The following DOCK1 variants were observed in gnomAD, a reference collection of about 807,000 sequenced individuals.
DOCK1 encodes dedicator of cytokinesis 1, also known as dedicator of cytokinesis protein 1.
DOCK1 carries 138 observed loss-of-function variants against 262.7 expected under a neutral mutation model. The ratio of observed to expected loss-of-function variants is 0.53; its 90% CI spans 0.46 to 0.61. The LOEUF is 0.61. Among genes scored for constraint, DOCK1 ranks in the 20% least tolerant of loss-of-function variants. DOCK1 has a pLI of 0.00. For synonymous variants in DOCK1, 866 were observed against 867.4 expected, an observed-to-expected ratio of 1.00 and a Z score of 0.03; for missense variants, 1,908 against 2,370.7, an observed-to-expected ratio of 0.80 and a Z score of 4.05.
At chr10:127,087,426 C>G (rs2047261491) in intron 23 of DOCK1, among the ~76,000 whole-genome samples, 1 of 152,056 alleles carries the variant, frequency 6.6e-6, no homozygotes, top group African/African-American at 2.4e-5. Flanking sequence ...CTAACAGGGG[C>G]AGGGGAGTGG....
intron 30 of DOCK1, among the ~76,000 whole-genome samples, chr10:127,342,083 TTGCTGTTGTTGTTGCTGCTGCTGC>T (rs1390516129): frequency 4.1e-5 from 6 of 147,258 alleles, no homozygotes; most frequent in South Asian, 2.2e-4. Flanking sequence ...GCTGTTGCTG[TTGCTGTTGTTGTTGCTGCTGCTGC>T]TGCTGCTGTT....
At chr10:127,357,828 A>G (rs778043898) in intron 32 of DOCK1, among the ~76,000 whole-genome samples, 1 of 152,084 alleles carries the variant, frequency 6.6e-6, no homozygotes, top group Non-Finnish European at 1.5e-5. Flanking sequence ...AGCCCACAGG[A>G]TCCTCCCCAA....
chr10:126,948,479 G>T (rs909696999), intron 1 of DOCK1, among the ~76,000 whole-genome samples: 2 of 151,860 alleles, frequency 1.3e-5, no homozygotes, highest in Non-Finnish European at 2.9e-5. Flanking sequence ...GATGTTGCTG[G>T]TGAGGGTGAT....
chr10:127,024,685 C>G lies in DOCK1; in HGVS notation c.1453C>G (p.His485Asp), dbSNP rs200316381. The G allele has an allele frequency of 6.2e-7, 1 of 1,608,130 alleles. No individual in the cohort carries two copies. The highest frequency in any genetic ancestry group is 1.1e-5 in the South Asian group (1 of 89,218). Residue 485 changes from histidine (H) to aspartate (D), a missense_variant and splice_region_variant, in exon 15 of 52, where the codon CAT (histidine) becomes GAT (aspartate). His to Asp is a moderately conservative substitution (Grantham distance 81, BLOSUM62 -1). Coordinates refer to ENST00000623213, the MANE Select transcript of DOCK1 (RefSeq NM_001290223.2). ...GAGCTCTTTATGTCTTCTTTTAAAG[C>G]ATGTGATTTTCCCGGGTGCTGGTGA... is the stretch of plus-strand genomic sequence containing the variant. ...VYDEDGKRLE[H>D]VIFPGAGDEA...
At chr10:127,411,551 G>A (rs1235221006) in intron 43 of DOCK1, among the ~76,000 whole-genome samples, 1 of 152,146 alleles carries the variant, frequency 6.6e-6, no homozygotes, top group African/African-American at 2.4e-5. Context: ...CAATCAAAAA[G>A]ATTTCCAGGC....
At chr10:127,135,665 C>A (rs2050628608) in intron 27 of DOCK1, 1 of 152,616 alleles carries the variant, frequency 6.6e-6, no homozygotes, top group Non-Finnish European at 1.5e-5. Context: ...ATTTTGAACA[C>A]ACTTTAATTT....
At chr10:127,299,047 G>A (rs1408939864) in intron 29 of DOCK1, among the ~76,000 whole-genome samples, 1 of 152,134 alleles carries the variant, frequency 6.6e-6, no homozygotes, top group African/African-American at 2.4e-5. Context: ...TTGGAAATAG[G>A]GTCTTTGCAG....
chr10:127,242,581 T>C (rs1323837509), intron 27 of DOCK1, among the ~76,000 whole-genome samples: 3 of 152,224 alleles, frequency 2.0e-5, no homozygotes, highest in African/African-American at 7.2e-5. Flanking sequence ...CTTTACAGTA[T>C]TGATTCTTTG....
chr10:127,157,805 T>A (rs961465523), intron 27 of DOCK1, among the ~76,000 whole-genome samples: 1 of 152,234 alleles, frequency 6.6e-6, no homozygotes, highest in African/African-American at 2.4e-5. Flanking sequence ...ATCTTTCTTT[T>A]GTTTAAAGGA....
At chr10:127,037,122 C>G (rs970400660) in intron 18 of DOCK1, among the ~76,000 whole-genome samples, 17 of 151,576 alleles carry the variant, frequency 1.1e-4, no homozygotes, top group Non-Finnish European at 2.1e-4. Flanking sequence ...CAAACAAAAA[C>G]ACAACCATAA....
intron 27 of DOCK1, among the ~76,000 whole-genome samples, chr10:127,178,322 T>A (rs1220555308): frequency 6.6e-6 from 1 of 152,172 alleles, no homozygotes; most frequent in Non-Finnish European, 1.5e-5. Flanking sequence ...AGCATTTGAT[T>A]TAGGTGGGAC....
chr10:127,068,943 G>A (rs563427031), intron 23 of DOCK1, among the ~76,000 whole-genome samples: 1 of 152,302 alleles, frequency 6.6e-6, no homozygotes, highest in South Asian at 2.1e-4. Context: ...TTTTCCATTT[G>A]AGGGCACATA....
chr10:127,333,877 T>C (rs2063087569), intron 29 of DOCK1, among the ~76,000 whole-genome samples: 1 of 152,212 alleles, frequency 6.6e-6, no homozygotes, highest in Non-Finnish European at 1.5e-5. Context: ...TATCATGTGG[T>C]GATGCCTCTT....
At chr10:127,053,308 C>G (rs1321972365) in intron 22 of DOCK1, among the ~76,000 whole-genome samples, 1 of 152,198 alleles carries the variant, frequency 6.6e-6, no homozygotes, top group Non-Finnish European at 1.5e-5. Flanking sequence ...CGCCACTGCA[C>G]TCCAGCCTGG....
intron 27 of DOCK1, among the ~76,000 whole-genome samples, chr10:127,168,875 G>A (rs12573412): frequency 0.3 from 45,739 of 152,002 alleles, 7,154 homozygotes; most frequent in African/African-American, 0.36. Context: ...AACTTAAATA[G>A]TCCCCTTATG....
At chr10:127,238,933 A>C in intron 27 of DOCK1, among the ~76,000 whole-genome samples, 1 of 152,144 alleles carries the variant, frequency 6.6e-6, no homozygotes, top group East Asian at 1.9e-4. Flanking sequence ...ATTTCTCATG[A>C]CCCATTCTAG....
intron 1 of DOCK1, among the ~76,000 whole-genome samples, chr10:126,914,970 T>G (rs1292362637): frequency 6.6e-6 from 1 of 152,130 alleles, no homozygotes; most frequent in East Asian, 1.9e-4. Flanking sequence ...GTGCATAGAT[T>G]TTCTTTCTGG....
intron 31 of DOCK1, among the ~76,000 whole-genome samples, chr10:127,345,883 A>G (rs969632432): frequency 6.6e-6 from 1 of 152,128 alleles, no homozygotes; most frequent in Non-Finnish European, 1.5e-5. Flanking sequence ...GTTCTTGTTG[A>G]TTTGCCTTTG....
chr10:127,117,223 C>T (rs2049240948), intron 25 of DOCK1, among the ~76,000 whole-genome samples: 1 of 152,148 alleles, frequency 6.6e-6, no homozygotes, highest in Non-Finnish European at 1.5e-5. Context: ...CTTTGAGAGT[C>T]TTCAGAGTCA....
Sources: allele counts gnomAD v4.1 joint callset (sites outside exome capture counted in the v4.1 genomes callset), GRCh38; gene constraint gnomAD v4.1.1; transcripts MANE v1.5; gene names NCBI Gene and HGNC (gene_info 2026-07-23, HGNC 2026-07-21).